PCDHA6: variants seen among roughly 807,000 people sequenced by gnomAD.
PCDHA6 encodes protocadherin alpha-6.
In PCDHA6, 55 loss-of-function variants were observed where a neutral mutation model predicts 60.3. The ratio of observed to expected loss-of-function variants is 0.91; its 90% CI spans 0.73 to 1.14. The LOEUF is 1.14. Ranked by LOEUF, PCDHA6 falls within the 50% of genes most tolerant of loss-of-function variation. The probability of loss-of-function intolerance (pLI) is 0.00; values close to 1 mark genes in which losing one functional copy is unlikely to be tolerated. For missense variants in PCDHA6, 1,327 were observed against 1,256.5 expected (o/e 1.06, Z -0.85); for synonymous variants, 652 against 557.9 (o/e 1.17, Z -2.38).
intron 1 of PCDHA6, chr5:140,849,824 G>C: frequency 6.3e-7 from 1 of 1,598,646 alleles, no homozygotes; most frequent in East Asian, 2.2e-5. Context: ...GGGTGTCTGT[G>C]GAGGTGGCCG....
At chr5:140,884,665 A>G (rs1554181817) in intron 1 of PCDHA6, 9 of 1,578,032 alleles carry the variant, frequency 5.7e-6, no homozygotes, top group Non-Finnish European at 7.7e-6. Context: ...TGAAAGAGGT[A>G]AGCTTATATT....
chr5:141,011,102 CT>C lies in PCDHA6; in HGVS notation c.*1166del, dbSNP rs2098419453. The C allele has an allele frequency of 1.3e-5, 2 of 153,744 alleles. No homozygotes were observed. The highest frequency in any genetic ancestry group is 6.5e-5 in the Admixed American group (1 of 15,280). The allele number at this position is 153,744 out of a possible 1,614,324, so 9.5% of individuals were successfully genotyped here. On this transcript the variant is annotated 3_prime_UTR_variant, in exon 4 of 4. Transcript: ENST00000529310. ...ATGATCTCTCTTTCTCTCTCTCTCT[CT>C]CTTTTCTAAGAAACAATTATGTGCA...
chr5:140,875,530 C>T lies in PCDHA6; in HGVS notation c.2394+45045C>T, dbSNP rs782004877. On this transcript the variant is annotated intron_variant, in intron 1 of 3. Transcript: ENST00000529310. Reference sequence around the variant, plus strand: ...CCAGCGTCTGCTGCTCTCGCTTCTGCTCCTTGCAGCCTGGGAGGTGGGGAG... The same window carrying T: ...CCAGCGTCTGCTGCTCTCGCTTCTGTTCCTTGCAGCCTGGGAGGTGGGGAG... 9 of 1,614,004 alleles carry T rather than the reference C, an allele frequency of 5.6e-6. No individual in the cohort carries two copies. The South Asian group carries it at 8.8e-5, about 16-fold the overall frequency.
intron 1 of PCDHA6, among the ~76,000 whole-genome samples, chr5:140,912,581 T>C (rs2075985656): frequency 6.6e-6 from 1 of 152,178 alleles, no homozygotes; most frequent in Admixed American, 6.5e-5. Flanking sequence ...CTTTTCCAAT[T>C]TGGATGCCCT....
At chr5:140,943,791 C>G (rs74565063) in intron 1 of PCDHA6, among the ~76,000 whole-genome samples, 2,339 of 152,200 alleles carry the variant, frequency 0.015, 18 homozygotes, top group Middle Eastern at 0.027. Flanking sequence ...GTCCTTTATG[C>G]AAAGCAAAAG....
intron 1 of PCDHA6, chr5:140,969,583 A>G: frequency 1.1e-6 from 1 of 914,068 alleles, no homozygotes; most frequent in Admixed American, 3.0e-5. Context: ...AGTGAGGATT[A>G]GTCTTAATAT....
intron 1 of PCDHA6, among the ~76,000 whole-genome samples, chr5:140,906,614 TTTG>T (rs1448753363): frequency 6.6e-6 from 1 of 152,208 alleles, no homozygotes; most frequent in Non-Finnish European, 1.5e-5. Flanking sequence ...CTGTATTCCC[TTTG>T]CCTTCAGCAA....
rs146952531 is a variant in PCDHA6 at position 140,951,754 on chromosome 5, G to A, written c.2395-27195G>A. Among the ~76,000 whole-genome samples the A allele has an allele frequency of 4.6e-3, 703 of 152,152 alleles. 3 individuals are homozygous for A. The highest frequency in any genetic ancestry group is 0.016 in the African/African-American group (681 of 41,502). ...TTCTGCCACTGCCCTCACCCTCCGC[G>A]AAATCTCATGACGTTCTTACATTGC... On this transcript the variant is annotated intron_variant, in intron 1 of 3. Transcript: ENST00000529310.
At chr5:140,866,073 G>A (rs1329544131) in intron 1 of PCDHA6, 1 of 152,068 alleles carries the variant, frequency 6.6e-6, no homozygotes, top group Non-Finnish European at 1.5e-5. Flanking sequence ...ACTGAGATAG[G>A]TATTTTGGTT....
chr5:140,854,556 T>C (rs1400864251), intron 1 of PCDHA6: 1 of 150,002 alleles, frequency 6.7e-6, no homozygotes, highest in African/African-American at 2.4e-5. Flanking sequence ...TTCATAAATA[T>C]TGTTGCTCTG....
Position 140,876,997 on chromosome 5 carries a change from T to G in PCDHA6, c.2394+46512T>G, listed in dbSNP as rs1024280391. 6.8e-6 allele frequency: 11 copies of G among 1,612,358 alleles called. No homozygotes were observed. The African/African-American group carries it at 1.1e-4, about 16-fold the overall frequency. On this transcript the variant is annotated intron_variant, in intron 1 of 3. Transcript: ENST00000529310. ...CGAGCACGCACTGTCGAGCTACGTG[T>G]CGGTGCACGCGGAGAGCGGCAAGGT...
intron 1 of PCDHA6, among the ~76,000 whole-genome samples, chr5:140,943,825 T>C (rs1421631991): frequency 6.6e-6 from 1 of 152,128 alleles, no homozygotes; most frequent in East Asian, 1.9e-4. Context: ...GAAAATGAGT[T>C]GATTGAAGTT....
At chr5:140,834,416 CCGA>C in intron 1 of PCDHA6, 1 of 1,611,158 alleles carries the variant, frequency 6.2e-7, no homozygotes. Context: ...ACCCAGGGGG[CCGA>C]CATCTACTGC....
Position 140,848,412 on chromosome 5 carries a change from A to G in PCDHA6, c.2394+17927A>G. ...CTCTGTGCTGAACGATGGCGAACAC[A>G]GCAGAATGGGACTGACGAAATCAGA... On this transcript the variant is annotated intron_variant, in intron 1 of 3. Coordinates refer to ENST00000529310, the MANE Select transcript of PCDHA6 (RefSeq NM_018909.4). 2 of 1,379,818 alleles carry G rather than the reference A, an allele frequency of 1.4e-6. 1 individual carries two copies. Among genetic ancestry groups the G allele is most frequent in the Non-Finnish European group, 2.0e-6 (2 of 1,001,964 alleles). 85.5% of individuals were successfully genotyped at this position (1,379,818 alleles called of 1,614,324 possible).
chr5:140,894,678 G>A (rs2064610623), intron 1 of PCDHA6, among the ~76,000 whole-genome samples: 2 of 151,110 alleles, frequency 1.3e-5, no homozygotes, highest in African/African-American at 4.9e-5. Flanking sequence ...TTCTTGCATA[G>A]CTTTTCATTA....
At chr5:140,993,468 AC>A (rs2097564676) in intron 3 of PCDHA6, among the ~76,000 whole-genome samples, 1 of 69,412 alleles carries the variant, frequency 1.4e-5, no homozygotes, top group South Asian at 5.5e-4. Context: ...TTTCTCACAC[AC>A]ACACACACAC....
intron 1 of PCDHA6, chr5:140,875,418 G>A: frequency 6.6e-7 from 1 of 1,515,104 alleles, no homozygotes; most frequent in Non-Finnish European, 8.8e-7. Flanking sequence ...AAATACCTCA[G>A]GCAAGCGATC....
intron 3 of PCDHA6, among the ~76,000 whole-genome samples, chr5:140,990,073 GA>G (rs1319076601): frequency 2.6e-5 from 4 of 152,060 alleles, no homozygotes; most frequent in Non-Finnish European, 5.9e-5. Context: ...AAATAAGGGG[GA>G]CAAAGGATGC....
chr5:140,866,649 T>G (rs1554160460), intron 1 of PCDHA6: 4 of 152,162 alleles, frequency 2.6e-5, no homozygotes, highest in African/African-American at 9.6e-5. Context: ...AAAATTTATT[T>G]ATGTGTTTTC....
Sources: gnomAD v4.1 joint callset for allele counts (sites outside exome capture counted in the v4.1 genomes callset) on GRCh38, gnomAD v4.1.1 for gene constraint, MANE v1.5 for transcripts, NCBI Gene and HGNC (gene_info 2026-07-23, HGNC 2026-07-21) for gene names.